SLC35F3: variants seen among roughly 807,000 people sequenced by gnomAD.
SLC35F3 encodes the protein putative thiamine transporter SLC35F3.
SLC35F3 carries 25 observed loss-of-function variants against 49.9 expected under a neutral mutation model. The ratio of observed to expected loss-of-function variants is 0.50; its 90% CI spans 0.37 to 0.70. The LOEUF (loss-of-function observed/expected upper bound fraction) is 0.70, where lower values mean the gene tolerates loss of function less well. Among genes scored for constraint, SLC35F3 ranks in the 30% least tolerant of loss-of-function variants. SLC35F3 has a pLI of 0.00. For synonymous variants in SLC35F3, 275 were observed against 265.4 expected (o/e 1.04, Z -0.35); for missense variants, 525 against 639.8 (o/e 0.82, Z 1.94).
At chr1:234,237,709 G>A (rs1026923281) in intron 3 of SLC35F3, among the ~76,000 whole-genome samples, 3 of 152,134 alleles carry the variant, frequency 2.0e-5, no homozygotes, top group Non-Finnish European at 4.4e-5. Flanking sequence ...TGCTTCATTC[G>A]TTCCACAAAA....
chr1:234,321,697 G>T (rs183482462), intron 7 of SLC35F3, among the ~76,000 whole-genome samples: 2 of 152,254 alleles, frequency 1.3e-5, no homozygotes, highest in South Asian at 4.1e-4. Flanking sequence ...AAGGTTTAAT[G>T]ATGAGTCCAG....
At chr1:234,071,208 T>G (rs1318210404) in intron 2 of SLC35F3, among the ~76,000 whole-genome samples, 1 of 152,238 alleles carries the variant, frequency 6.6e-6, no homozygotes, top group East Asian at 1.9e-4. Flanking sequence ...CATGAGTACC[T>G]GCTGGGGGTC....
chr1:234,023,330 A>G (rs1339159418), intron 2 of SLC35F3, among the ~76,000 whole-genome samples: 1 of 152,254 alleles, frequency 6.6e-6, no homozygotes, highest in African/African-American at 2.4e-5. Context: ...GAAGTACTCA[A>G]ACAAAACAAA....
intron 3 of SLC35F3, among the ~76,000 whole-genome samples, chr1:234,268,408 G>C (rs936303938): frequency 7.2e-5 from 11 of 152,126 alleles, no homozygotes; most frequent in Non-Finnish European, 1.3e-4. Context: ...CAGCAGTACC[G>C]TCCAGCTTTG....
At chr1:234,108,560 A>T (rs1184873797) in intron 2 of SLC35F3, among the ~76,000 whole-genome samples, 2 of 111,278 alleles carry the variant, frequency 1.8e-5, no homozygotes, top group Non-Finnish European at 3.3e-5. Context: ...TATATATAAA[A>T]GATATATATT....
chr1:234,312,486 T>G (rs994913594), intron 4 of SLC35F3, among the ~76,000 whole-genome samples: 2 of 152,192 alleles, frequency 1.3e-5, no homozygotes, highest in Admixed American at 1.3e-4. Flanking sequence ...CCAAACAGTA[T>G]CTGGTATCTG....
chr1:233,997,545 T>C (rs1221196776), intron 2 of SLC35F3, among the ~76,000 whole-genome samples: 1 of 152,138 alleles, frequency 6.6e-6, no homozygotes, highest in Non-Finnish European at 1.5e-5. Flanking sequence ...TATGTCTTCT[T>C]TGGAAAAACA....
intron 3 of SLC35F3, among the ~76,000 whole-genome samples, chr1:234,281,069 G>A (rs191540714): frequency 1.3e-5 from 2 of 149,122 alleles, no homozygotes; most frequent in East Asian, 2.0e-4. Context: ...GAGTGTTATG[G>A]GCTAAATTGT....
intron 2 of SLC35F3, among the ~76,000 whole-genome samples, chr1:233,976,089 AAGGAGGAGGAGGGAGGGAGAAAGACAG>A (rs1663075457): frequency 6.6e-6 from 1 of 152,170 alleles, no homozygotes; most frequent in African/African-American, 2.4e-5. Flanking sequence ...GAAGAAGGCG[AAGGAGGAGGAGGGAGGGAGAAAGACAG>A]AGGAGGAGGA....
chr1:233,960,405 A>G (rs1282684973), intron 2 of SLC35F3, among the ~76,000 whole-genome samples: 2 of 152,166 alleles, frequency 1.3e-5, no homozygotes, highest in African/African-American at 4.8e-5. Context: ...TTTCCCACCA[A>G]GCAGGTAACC....
chr1:234,007,218 G>A lies in SLC35F3; in HGVS notation c.283+101460G>A, dbSNP rs139167555. 9.5e-3 allele frequency among the ~76,000 whole-genome samples: 1,445 copies of A among 152,268 alleles called. 10 individuals are homozygous for A. Among genetic ancestry groups the A allele is most frequent in the Non-Finnish European group, 0.016 (1,119 of 68,028 alleles). On this transcript the variant is annotated intron_variant, in intron 2 of 7. Transcript: ENST00000366618. The stretch of plus-strand genomic sequence containing the variant: ...ATTATTAATATATAATAGCTAGAAG[G>A]TAAGTGATATGGAAAAGGAAAACAT...
Position 234,318,962 on chromosome 1 carries a change from T to A in SLC35F3, c.1147+19T>A. On this transcript the variant is annotated intron_variant, in intron 6 of 7. Transcript: ENST00000366618. ...TTATTGAGTAAGTGCTAATCACCTG[T>A]CCAGAATTCCCAGAAAGCAACCACC... is the stretch of plus-strand genomic sequence containing the variant. 6.2e-7 allele frequency: 1 copy of A among 1,603,116 alleles called. No individual in the cohort carries two copies. The highest frequency in any genetic ancestry group is 8.5e-7 in the Non-Finnish European group (1 of 1,173,988).
At chr1:233,965,366 T>A (rs1330894961) in intron 2 of SLC35F3, among the ~76,000 whole-genome samples, 1 of 152,206 alleles carries the variant, frequency 6.6e-6, no homozygotes, top group Non-Finnish European at 1.5e-5. Context: ...GGTGCTCACC[T>A]CTTTGTCTAA....
chr1:234,051,774 G>C (rs1485115840), intron 2 of SLC35F3, among the ~76,000 whole-genome samples: 1 of 152,130 alleles, frequency 6.6e-6, no homozygotes, highest in Non-Finnish European at 1.5e-5. Context: ...TTGGCTGTGG[G>C]TTTGTCATAA....
intron 2 of SLC35F3, among the ~76,000 whole-genome samples, chr1:234,207,424 CCCTCTTTCCTGCTTCCTT>C (rs1558260480): frequency 2.8e-5 from 2 of 70,194 alleles, no homozygotes; most frequent in African/African-American, 5.7e-5. Context: ...CTTTCTCCCT[CCCTCTTTCCTGCTTCCTT>C]TTTTCTTCTT....
At chr1:233,954,215 C>A (rs1392493967) in intron 2 of SLC35F3, among the ~76,000 whole-genome samples, 1 of 152,194 alleles carries the variant, frequency 6.6e-6, no homozygotes, top group African/African-American at 2.4e-5. Flanking sequence ...GCCGTGTTAG[C>A]CAGGATGGTC....
chr1:233,951,091 A>G (rs1404599385), intron 2 of SLC35F3, among the ~76,000 whole-genome samples: 1 of 151,752 alleles, frequency 6.6e-6, no homozygotes, highest in African/African-American at 2.4e-5. Context: ...GCTCTATAAT[A>G]TATGATAACA....
At chr1:233,971,918 A>G (rs1236479401) in intron 2 of SLC35F3, among the ~76,000 whole-genome samples, 1 of 152,200 alleles carries the variant, frequency 6.6e-6, no homozygotes, top group African/African-American at 2.4e-5. Flanking sequence ...GGGAAGGGAC[A>G]TCCCCCGCTG....
intron 2 of SLC35F3, among the ~76,000 whole-genome samples, chr1:233,909,949 G>A (rs886248252): frequency 2.0e-5 from 3 of 152,144 alleles, no homozygotes; most frequent in Admixed American, 6.5e-5. Context: ...CTTTCTTCCT[G>A]GACCACTTTT....
Sources: allele counts gnomAD v4.1 joint callset (sites outside exome capture counted in the v4.1 genomes callset), GRCh38; gene constraint gnomAD v4.1.1; transcripts MANE v1.5; gene names NCBI Gene and HGNC (gene_info 2026-07-23, HGNC 2026-07-21).